Variants in SSUH2 observed in about 807,000 individuals in gnomAD.
The protein encoded by SSUH2 is ssu-2 homolog, also known as protein SSUH2 homolog.
SSUH2 carries 47 observed loss-of-function variants against 55.3 expected under a neutral mutation model. That is an observed-to-expected ratio of 0.85 (90% CI 0.67 to 1.08). The LOEUF (loss-of-function observed/expected upper bound fraction) is 1.08. Ranked by LOEUF, SSUH2 falls within the 50% of genes least tolerant of loss-of-function variation. SSUH2 has a pLI of 0.00. For missense variants in SSUH2, 535 were observed against 490.7 expected (o/e 1.09, Z -0.85); for synonymous variants, 212 against 191.5 (o/e 1.11, Z -0.89).
upstream of SSUH2, among the ~76,000 whole-genome samples, chr3:8,645,410 C>CT (rs528494813): frequency 1.4e-3 from 217 of 152,366 alleles, no homozygotes; most frequent in Non-Finnish European, 2.3e-3. Context: ...GCCTCGCCCA[C>CT]TGTGAAACAT....
chr3:8,676,182 T>C (rs1705237135), intron 3 of SSUH2, among the ~76,000 whole-genome samples: 1 of 151,962 alleles, frequency 6.6e-6, no homozygotes, highest in Non-Finnish European at 1.5e-5. Context: ...CCTCTGGAGA[T>C]TATGAACTGT....
At chr3:8,675,045 G>A (rs1705078290) in intron 3 of SSUH2, among the ~76,000 whole-genome samples, 1 of 152,114 alleles carries the variant, frequency 6.6e-6, no homozygotes, top group South Asian at 2.1e-4. Context: ...CTCCCCTCCT[G>A]CTTGTTCCCA....
chr3:8,651,647 A>C (rs980320060), intron 7 of SSUH2, among the ~76,000 whole-genome samples: 4 of 152,174 alleles, frequency 2.6e-5, no homozygotes, highest in Non-Finnish European at 5.9e-5. Context: ...CAGAGCGATA[A>C]GTAACATCAG....
intron 6 of SSUH2, among the ~76,000 whole-genome samples, chr3:8,662,571 A>G (rs1703602507): frequency 6.6e-6 from 1 of 152,244 alleles, no homozygotes; most frequent in South Asian, 2.1e-4. Flanking sequence ...AGCAAAATCA[A>G]GGAAGGAATG....
Position 8,680,144 on chromosome 3 carries a change from G to A in SSUH2, c.-1045-295C>T, listed in dbSNP as rs186492330. 9.9e-4 allele frequency among the ~76,000 whole-genome samples: 151 copies of A among 152,308 alleles called. 2 individuals are homozygous for A. The highest frequency in any genetic ancestry group is 1.8e-3 in the Non-Finnish European group (122 of 68,024). On this transcript the variant is annotated intron_variant, in intron 1 of 18. Transcript: ENST00000317371. Reference sequence around the variant, plus strand: ...TAACCCAAACTGTGGGACCCTGGCCGAGGCCGGTGGCCTACGTCTCTAAAC... The same window carrying A: ...TAACCCAAACTGTGGGACCCTGGCCAAGGCCGGTGGCCTACGTCTCTAAAC...
At chr3:8,633,093 T>C (rs976108429) in intron 4 of SSUH2, among the ~76,000 whole-genome samples, 5 of 151,796 alleles carry the variant, frequency 3.3e-5, no homozygotes, top group Non-Finnish European at 7.4e-5. Flanking sequence ...GTAGCATGCG[T>C]TCTATGATGC....
intron 2 of SSUH2, among the ~76,000 whole-genome samples, chr3:8,679,413 TC>T (rs549247180): frequency 1.7e-5 from 2 of 121,186 alleles, no homozygotes; most frequent in Non-Finnish European, 3.6e-5. Flanking sequence ...CAGCCCCTCT[TC>T]CCCCCCTGGC....
At chr3:8,658,850 C>CAAACA (rs888735598) in intron 7 of SSUH2, 14 of 102,068 alleles carry the variant, frequency 1.4e-4, no homozygotes, top group African/African-American at 4.7e-4. Context: ...CACATTCCCC[C>CAAACA]AAACAAAACA....
chr3:8,631,037 A>C lies in SSUH2; in HGVS notation c.401-108T>G, dbSNP rs574194816. 113 of 1,169,628 alleles carry C rather than the reference A, an allele frequency of 9.7e-5. No homozygotes were observed. The African/African-American group carries it at 1.7e-3, about 17-fold the overall frequency. 72.5% of individuals were successfully genotyped at this position (1,169,628 alleles called of 1,614,324 possible). On this transcript the variant is annotated intron_variant, in intron 5 of 11. Transcript: ENST00000544814. ...TTCAGTTGGTGCCAGGCATGAGTCT[A>C]GATCCTGGGGCTACAGGGATGGATA...
chr3:8,654,345 G>C (rs918098750), intron 7 of SSUH2, among the ~76,000 whole-genome samples: 1 of 152,196 alleles, frequency 6.6e-6, no homozygotes, highest in African/African-American at 2.4e-5. Context: ...TTCAACAAAA[G>C]AATCTGGCTT....
In SSUH2 at chr3:8,627,685, G is replaced by C. The variant is rs1484565322; in HGVS notation, c.674+13C>G. 6.4e-7 allele frequency: 1 copy of C among 1,552,392 alleles called. No individual in the cohort carries two copies. The highest frequency in any genetic ancestry group is 1.9e-5 in the Admixed American group (1 of 51,854). On this transcript the variant is annotated intron_variant, in intron 8 of 11. Coordinates refer to ENST00000544814, the MANE Select transcript of SSUH2 (RefSeq NM_001256748.3). ...AAGAGCACTTCACCGCGGTGCTGGGGAGATGCCCCTACCTTCGCCTGCCGG... is the reference window on the plus strand; with the variant it reads ...AAGAGCACTTCACCGCGGTGCTGGGCAGATGCCCCTACCTTCGCCTGCCGG...
At chr3:8,676,931 A>AC (rs147754121) in intron 3 of SSUH2, among the ~76,000 whole-genome samples, 2,512 of 126,008 alleles carry the variant, frequency 0.02, 132 homozygotes, top group African/African-American at 0.072. Context: ...GGCTCTTAGG[A>AC]CCCCCATAGT....
chr3:8,633,316 G>A (rs111686043), intron 4 of SSUH2, among the ~76,000 whole-genome samples: 2,727 of 152,046 alleles, frequency 0.018, 82 homozygotes, highest in African/African-American at 0.06. Context: ...GCTAATTTTT[G>A]TATTTTTAGT....
intron 3 of SSUH2, among the ~76,000 whole-genome samples, chr3:8,674,010 C>T (rs1178755141): frequency 2.0e-5 from 3 of 152,172 alleles, no homozygotes; most frequent in South Asian, 2.1e-4. Flanking sequence ...CGTCAAAGCG[C>T]GGAACACGTT....
intron 11 of SSUH2, among the ~76,000 whole-genome samples, chr3:8,621,610 G>T (rs973507295): frequency 1.3e-5 from 2 of 152,152 alleles, no homozygotes; most frequent in Non-Finnish European, 2.9e-5. Flanking sequence ...CAGTTCTCTA[G>T]ACCTCAGTTT....
intron 7 of SSUH2, among the ~76,000 whole-genome samples, chr3:8,651,058 C>T (rs528419521): frequency 1.3e-5 from 2 of 152,344 alleles, no homozygotes; most frequent in South Asian, 2.1e-4. Context: ...ACGGTCCCTC[C>T]GTTTCTCCCT....
At chr3:8,634,614 G>A (rs771805513) in intron 3 of SSUH2, 7 of 1,283,354 alleles carry the variant, frequency 5.5e-6, no homozygotes, top group African/African-American at 1.5e-5. Context: ...GGAGAGGCCA[G>A]AGATGACTCC....
chr3:8,669,863 CGGA>C (rs992572286), intron 5 of SSUH2, among the ~76,000 whole-genome samples: 13 of 91,960 alleles, frequency 1.4e-4, no homozygotes, highest in African/African-American at 3.8e-4. Flanking sequence ...TGTCACAGAT[CGGA>C]GGAGAACGGG....
intron 3 of SSUH2, among the ~76,000 whole-genome samples, chr3:8,673,039 C>T (rs1001777363): frequency 3.3e-5 from 5 of 151,914 alleles, no homozygotes; most frequent in African/African-American, 1.2e-4. Flanking sequence ...TTAATATAAA[C>T]ATGAATATGT....
Sources: gnomAD v4.1 joint callset for allele counts (sites outside exome capture counted in the v4.1 genomes callset) on GRCh38, gnomAD v4.1.1 for gene constraint, MANE v1.5 for transcripts, NCBI Gene and HGNC (gene_info 2026-07-23, HGNC 2026-07-21) for gene names.